Variants in FBXL3 observed in about 807,000 individuals in gnomAD.
The protein encoded by FBXL3 is F-box and leucine rich repeat protein 3.
In FBXL3, 14 loss-of-function variants were observed where a neutral mutation model predicts 37.9. The ratio of observed to expected loss-of-function variants is 0.37; its 90% CI spans 0.24 to 0.58. The LOEUF (loss-of-function observed/expected upper bound fraction) is 0.58, where lower values mean the gene tolerates loss of function less well. FBXL3 is among the 20% of genes least tolerant of loss of function. The pLI, the probability that FBXL3 is intolerant of heterozygous loss-of-function variation, is 0.74. For synonymous variants in FBXL3, 194 were observed against 180.1 expected (o/e 1.08, Z -0.62); for missense variants, 327 against 511.1 (o/e 0.64, Z 3.47).
chr13:77,005,598 TTC>T lies in FBXL3; in HGVS notation c.*1545_*1546del, dbSNP rs978092064. The T allele has an allele frequency of 5.9e-4, 90 of 152,338 alleles. 1 individual carries two copies. The highest frequency in any genetic ancestry group is 2.1e-3 in the African/African-American group (88 of 41,550). 9.4% of individuals were successfully genotyped at this position (152,338 alleles called of 1,614,324 possible). On this transcript the variant is annotated 3_prime_UTR_variant, in exon 5 of 5. Transcript: ENST00000355619. ...TTCGAATCTAGATAAGCCTTTTTTC[TTC>T]TCATATGTTGCTGTAGGAGAGCATA... is the stretch of plus-strand genomic sequence containing the variant.
In FBXL3 at chr13:77,018,724, TTAGAA is replaced by T. The variant is rs763490323; in HGVS notation, c.349-7_349-3del. ...AGCTGATTCCTTGCTGCTGTCCACC[TTAGAA>T]AAGAAACACCGTTTACTCATGAATA... On this transcript the variant is annotated splice_polypyrimidine_tract_variant and splice_region_variant and intron_variant, in intron 2 of 4. Coordinates refer to ENST00000355619, the MANE Select transcript of FBXL3 (RefSeq NM_012158.4). The T allele has an allele frequency of 9.0e-6, 14 of 1,550,604 alleles. No homozygotes were observed. The highest frequency in any genetic ancestry group is 4.3e-5 in the Admixed American group (2 of 46,476).
At chr13:77,010,499 T>C (rs144401659) in intron 4 of FBXL3, 1 of 152,230 alleles carries the variant, frequency 6.6e-6, no homozygotes, top group Non-Finnish European at 1.5e-5. Context: ...TCTAATCATA[T>C]GAGCCCCTTT....
chr13:77,024,319 C>G (rs2034800523), intron 1 of FBXL3, among the ~76,000 whole-genome samples: 1 of 152,018 alleles, frequency 6.6e-6, no homozygotes, highest in Non-Finnish European at 1.5e-5. Flanking sequence ...TGTTTGCTAT[C>G]CAGAGCTTAT....
rs772100049 is a variant in FBXL3 at position 77,021,692 on chromosome 13, C to A, written c.169G>T (p.Ala57Ser). The change falls in exon 2 of 5, where the codon GCT (alanine) becomes TCT (serine). Residue 57 changes from alanine (A) to serine (S), a missense_variant. Coordinates refer to ENST00000355619, the MANE Select transcript of FBXL3 (RefSeq NM_012158.4). ...TTGCGGCAAACTTGTGAAGCATGAG[C>A]CCGGTCAAGAAGAGGCAAATATTTA... ...VFKYLPLLDRAHASQVCRNWN... is the reference protein window; with the variant it reads ...VFKYLPLLDRSHASQVCRNWN... The A allele has an allele frequency of 5.0e-6, 8 of 1,613,876 alleles. No individual in the cohort carries two copies. Among genetic ancestry groups the A allele is most frequent in the Non-Finnish European group, 6.8e-6 (8 of 1,180,010 alleles).
At chr13:77,007,859 A>G (rs988397899) in intron 4 of FBXL3, 71 bp from the exon 5 acceptor site, 3 of 1,356,650 alleles carry the variant, frequency 2.2e-6, no homozygotes, top group East Asian at 2.4e-5. Context: ...AATCAAGTAC[A>G]TGTCCCACAA....
intron 1 of FBXL3, among the ~76,000 whole-genome samples, chr13:77,025,712 A>AAAAAC (rs1423394279): frequency 6.8e-6 from 1 of 148,064 alleles, no homozygotes; most frequent in African/African-American, 2.5e-5. Context: ...AAAAAAAAAA[A>AAAAAC]CTTTGAAAGA....
At chr13:77,010,324 T>A (rs977835048) in intron 4 of FBXL3, 1 of 152,028 alleles carries the variant, frequency 6.6e-6, no homozygotes. Context: ...CTGTGGAGTA[T>A]CATTTAATAA....
At chr13:77,023,548 G>A (rs757654413) in intron 1 of FBXL3, among the ~76,000 whole-genome samples, 10 of 151,978 alleles carry the variant, frequency 6.6e-5, no homozygotes, top group Admixed American at 3.3e-4. Flanking sequence ...ATGCATTACC[G>A]TGTAATCGGA....
In FBXL3 at chr13:77,021,800, A is replaced by G. The variant is rs1241508808; in HGVS notation, c.61T>C (p.Ser21Pro). 3 of 1,613,600 alleles carry G rather than the reference A, an allele frequency of 1.9e-6. No homozygotes were observed. The highest frequency in any genetic ancestry group is 2.5e-6 in the Non-Finnish European group (3 of 1,180,006). Residue 21 changes from serine (S) to proline (P), a missense_variant, in exon 2 of 5, where the codon TCC becomes CCC. Coordinates refer to ENST00000355619, the MANE Select transcript of FBXL3 (RefSeq NM_012158.4). ...NSSEEGTAEK[S>P]KKLRTTNEHS... is the part of the protein sequence containing the mutation. ...TCATTTGTAGTCCTCAGTTTCTTGG[A>G]TTTCTCTGCAGTTCCTTCTTCTGAT... is the stretch of plus-strand genomic sequence containing the variant.
rs1190181909 is a variant in FBXL3, at chr13:77,005,499, C to T, written c.*1646G>A. ...AGGAAAAACAACAACTTGACTAGCA[C>T]AGGTAATTCTTGTACAATCAGAGCT... On this transcript the variant is annotated 3_prime_UTR_variant, in exon 5 of 5. Coordinates refer to ENST00000355619, the MANE Select transcript of FBXL3 (RefSeq NM_012158.4). 1 of 152,462 alleles carries T rather than the reference C, an allele frequency of 6.6e-6. No homozygotes were observed. The highest frequency in any genetic ancestry group is 1.5e-5 in the Non-Finnish European group (1 of 67,960). 9.4% of individuals were successfully genotyped at this position (152,462 alleles called of 1,614,324 possible). A position where few individuals can be genotyped will look rare whatever the true frequency, so the allele number is the denominator to read the frequency against.
chr13:77,025,793 A>T (rs1047319107), intron 1 of FBXL3, among the ~76,000 whole-genome samples: 2 of 151,956 alleles, frequency 1.3e-5, no homozygotes, highest in African/African-American at 4.8e-5. Flanking sequence ...GCACTTTTAC[A>T]CTGGGCATGC....
At chr13:77,012,189 C>G (rs1441164176) in intron 4 of FBXL3, among the ~76,000 whole-genome samples, 1 of 152,114 alleles carries the variant, frequency 6.6e-6, no homozygotes, top group Non-Finnish European at 1.5e-5. Context: ...GCATGCACTA[C>G]TCTACCAATA....
intron 3 of FBXL3, chr13:77,017,119 T>G (rs1226217252): frequency 6.6e-6 from 1 of 152,122 alleles, no homozygotes; most frequent in Admixed American, 6.6e-5. Flanking sequence ...TGCAACGCCC[T>G]ACTTCAATCT....
chr13:77,021,358 T>C (rs201927126), intron 2 of FBXL3, among the ~76,000 whole-genome samples, 155 bp downstream of exon 2: 1 of 150,218 alleles, frequency 6.7e-6, no homozygotes, highest in Non-Finnish European at 1.5e-5. Flanking sequence ...AAATATAATA[T>C]TTTGTGACAG....
chr13:77,021,320 ATAAT>A lies in FBXL3; in HGVS notation c.348+189_348+192del, dbSNP rs1157640203. Among the ~76,000 whole-genome samples the A allele has an allele frequency of 7.2e-5, 11 of 152,302 alleles. No individual in the cohort carries two copies. In the East Asian group the frequency reaches 2.1e-3, roughly 29 times the overall value. ...CTTTTGCTGTTTTAAGAAATTATTA[ATAAT>A]TAATAGAGTAATTTAGCTCCATCAA... is the stretch of plus-strand genomic sequence containing the variant. On this transcript the variant is annotated intron_variant, in intron 2 of 4. Coordinates refer to ENST00000355619, the MANE Select transcript of FBXL3 (RefSeq NM_012158.4).
intron 1 of FBXL3, among the ~76,000 whole-genome samples, chr13:77,024,031 G>A (rs538508318): frequency 5.3e-5 from 8 of 152,274 alleles, no homozygotes; most frequent in Non-Finnish European, 1.0e-4. Flanking sequence ...ACTGATCAGG[G>A]AGAGAACAAG....
chr13:77,017,914 A>C (rs1333179239), intron 3 of FBXL3: 1 of 152,030 alleles, frequency 6.6e-6, no homozygotes, highest in Non-Finnish European at 1.5e-5. Flanking sequence ...TCTGGGAAAA[A>C]AATATCAAAT....
At chr13:77,011,952 C>A (rs1307396285) in intron 4 of FBXL3, among the ~76,000 whole-genome samples, 1 of 152,140 alleles carries the variant, frequency 6.6e-6, no homozygotes, top group Non-Finnish European at 1.5e-5. Flanking sequence ...AGAAATTAAA[C>A]CATATGTCCG....
intron 2 of FBXL3, among the ~76,000 whole-genome samples, chr13:77,020,815 T>G (rs1008738673): frequency 3.3e-5 from 5 of 152,074 alleles, no homozygotes; most frequent in Non-Finnish European, 7.4e-5. Flanking sequence ...CACCACAACC[T>G]CAAACTCCTG....
Sources: gnomAD v4.1 joint callset for allele counts (sites outside exome capture counted in the v4.1 genomes callset) on GRCh38, gnomAD v4.1.1 for gene constraint, MANE v1.5 for transcripts, NCBI Gene and HGNC (gene_info 2026-07-23, HGNC 2026-07-21) for gene names.